TNNI3K: variants seen among roughly 807,000 people sequenced by gnomAD.
TNNI3K encodes the protein serine/threonine-protein kinase TNNI3K.
In TNNI3K, 140 loss-of-function variants were observed where a neutral mutation model predicts 114.5. The ratio of observed to expected loss-of-function variants is 1.22; its 90% CI spans 1.07 to 1.41. The LOEUF is 1.41. TNNI3K is among the 40% of genes most tolerant of loss of function. The pLI is 0.00. For missense variants in TNNI3K, 1,125 were observed against 1,007.6 expected (o/e 1.12, Z -1.58); for synonymous variants, 347 against 347.5 (o/e 1.00, Z 0.02).
In TNNI3K at chr1:74,521,626, C is replaced by T. The variant is rs115144263; in HGVS notation, c.2352-18608C>T. Among the ~76,000 whole-genome samples the T allele has an allele frequency of 4.0e-3, 616 of 152,172 alleles. 6 individuals carry two copies. Among genetic ancestry groups the T allele is most frequent in the African/African-American group, 0.014 (574 of 41,498 alleles). On this transcript the variant is annotated intron_variant, in intron 23 of 24. Coordinates refer to ENST00000326637, the MANE Select transcript of TNNI3K (RefSeq NM_015978.3). ...TTATTTAGCAAATGATTGGTAAAGACGCACTATATTCCTAGCATGGAGGTC... is the reference window on the plus strand; with the variant it reads ...TTATTTAGCAAATGATTGGTAAAGATGCACTATATTCCTAGCATGGAGGTC...
At chr1:74,428,385 G>C (rs1224506238) in intron 17 of TNNI3K, among the ~76,000 whole-genome samples, 2 of 151,998 alleles carry the variant, frequency 1.3e-5, no homozygotes, top group Non-Finnish European at 2.9e-5. Context: ...GTCAAACTAG[G>C]GTTGTTTTCT....
intron 23 of TNNI3K, among the ~76,000 whole-genome samples, chr1:74,536,565 G>A (rs1479758775): frequency 2.0e-5 from 3 of 151,836 alleles, no homozygotes; most frequent in East Asian, 3.9e-4. Flanking sequence ...ATTTGAATTA[G>A]CACTAAAATA....
At chr1:74,484,447 C>A (rs1313306248) in intron 21 of TNNI3K, among the ~76,000 whole-genome samples, 1 of 152,034 alleles carries the variant, frequency 6.6e-6, no homozygotes, top group Non-Finnish European at 1.5e-5. Context: ...AGGATATAAA[C>A]AATAAACAAA....
At chr1:74,315,624 G>C (rs1057417922) in intron 5 of TNNI3K, among the ~76,000 whole-genome samples, 1 of 151,774 alleles carries the variant, frequency 6.6e-6, no homozygotes, top group Admixed American at 6.6e-5. Flanking sequence ...TTTCCTAGAG[G>C]CAATTTTGCA....
chr1:74,235,883 A>G (rs534301560), intron 1 of TNNI3K, among the ~76,000 whole-genome samples: 1 of 151,698 alleles, frequency 6.6e-6, no homozygotes, highest in South Asian at 2.1e-4. Context: ...TTCTATGTAA[A>G]TATATTATCC....
At chr1:74,346,391 A>G (rs1661000201) in intron 9 of TNNI3K, among the ~76,000 whole-genome samples, 1 of 152,124 alleles carries the variant, frequency 6.6e-6, no homozygotes, top group African/African-American at 2.4e-5. Context: ...GTCCTGCAGA[A>G]TATTTCCGAG....
intron 17 of TNNI3K, among the ~76,000 whole-genome samples, chr1:74,414,813 C>G (rs1665042000): frequency 6.6e-6 from 1 of 152,162 alleles, no homozygotes; most frequent in Non-Finnish European, 1.5e-5. Flanking sequence ...CACTCTTAAT[C>G]ACTCACCTGG....
At chr1:74,533,948 A>G (rs1031221427) in intron 23 of TNNI3K, among the ~76,000 whole-genome samples, 2 of 152,178 alleles carry the variant, frequency 1.3e-5, no homozygotes, top group Non-Finnish European at 2.9e-5. Context: ...GTTCAAGTTC[A>G]GTTTCTGCCT....
In TNNI3K at chr1:74,294,615, GT is replaced by G. The variant is rs545671792; in HGVS notation, c.444+22909del. Among the ~76,000 whole-genome samples, 166 of 152,036 alleles carry G rather than the reference GT, an allele frequency of 1.1e-3. 1 individual carries two copies. Among genetic ancestry groups the G allele is most frequent in the Non-Finnish European group, 1.4e-3 (92 of 67,880 alleles). Reference sequence around the variant, plus strand: ...CTTAAATGTTTTCACTTCTTCCTATGTTCATTTTTTAAAGTTGTGATTTCCA... The same window carrying G: ...CTTAAATGTTTTCACTTCTTCCTATGTCATTTTTTAAAGTTGTGATTTCCA... On this transcript the variant is annotated intron_variant, in intron 5 of 24. Transcript: ENST00000326637.
chr1:74,412,728 C>T (rs1037525004), intron 17 of TNNI3K, among the ~76,000 whole-genome samples: 2 of 152,110 alleles, frequency 1.3e-5, no homozygotes, highest in South Asian at 4.1e-4. Context: ...AATTCTCGTC[C>T]CTCAGCCTCC....
intron 23 of TNNI3K, among the ~76,000 whole-genome samples, chr1:74,515,943 C>T (rs1646342178): frequency 6.6e-6 from 1 of 152,130 alleles, no homozygotes; most frequent in Non-Finnish European, 1.5e-5. Context: ...GTTCTGATGT[C>T]TGACTCAGTT....
chr1:74,475,199 T>G (rs1668132876), intron 21 of TNNI3K: 1 of 598,982 alleles, frequency 1.7e-6, no homozygotes, highest in Admixed American at 3.0e-5. Context: ...ATAGTGATTT[T>G]TATAGTATTT....
chr1:74,439,667 C>G, intron 20 of TNNI3K, 45 bp downstream of exon 20: 2 of 1,596,744 alleles, frequency 1.3e-6, no homozygotes, highest in South Asian at 2.2e-5. Flanking sequence ...ACAGAGTTCA[C>G]TGGATTTTTA....
intron 5 of TNNI3K, among the ~76,000 whole-genome samples, chr1:74,273,634 C>T (rs1283717790): frequency 6.6e-6 from 1 of 151,864 alleles, no homozygotes; most frequent in Non-Finnish European, 1.5e-5. Flanking sequence ...TGTTTTCTTT[C>T]TTTCTAAATC....
chr1:74,342,952 G>C lies in TNNI3K; in HGVS notation c.793G>C (p.Val265Leu), dbSNP rs760586662. Residue 265 changes from valine (V) to leucine (L), a missense_variant, in exon 8 of 25, where the codon GTT becomes CTT. Transcript: ENST00000326637. ...LQSDLEVQPH[V>L]VNIYGDTPLH... ...AAGTGATTTGGAAGTTCAACCTCAT[G>C]TTGTTAATATCTATGGAGATACCCC... 6.2e-7 allele frequency: 1 copy of C among 1,613,850 alleles called. No individual in the cohort carries two copies. The highest frequency in any genetic ancestry group is 1.1e-5 in the South Asian group (1 of 91,078).
At chr1:74,465,228 T>C (rs970471285) in intron 21 of TNNI3K, among the ~76,000 whole-genome samples, 1 of 152,180 alleles carries the variant, frequency 6.6e-6, no homozygotes, top group Non-Finnish European at 1.5e-5. Flanking sequence ...AACCCCTCTC[T>C]GGGCTGGCCG....
chr1:74,273,986 G>C (rs1334607858), intron 5 of TNNI3K, among the ~76,000 whole-genome samples: 6 of 151,912 alleles, frequency 3.9e-5, no homozygotes, highest in Non-Finnish European at 8.8e-5. Flanking sequence ...TTTGACCAAT[G>C]TGGGAGTTAG....
At chr1:74,535,618 C>A (rs1477655857) in intron 23 of TNNI3K, among the ~76,000 whole-genome samples, 1 of 152,204 alleles carries the variant, frequency 6.6e-6, no homozygotes, top group African/African-American at 2.4e-5. Flanking sequence ...AGCTTACAGA[C>A]TTCCAGGGAT....
At chr1:74,446,805 C>G (rs1391760523) in intron 20 of TNNI3K, among the ~76,000 whole-genome samples, 1 of 148,662 alleles carries the variant, frequency 6.7e-6, no homozygotes, top group East Asian at 2.0e-4. Flanking sequence ...GGAATCCTTT[C>G]CCCATTGCTT....
Sources: allele counts gnomAD v4.1 joint callset (sites outside exome capture counted in the v4.1 genomes callset), GRCh38; gene constraint gnomAD v4.1.1; transcripts MANE v1.5; gene names NCBI Gene and HGNC (gene_info 2026-07-23, HGNC 2026-07-21).